The following SCUBE1 variants were observed in gnomAD, a reference collection of about 807,000 sequenced individuals.
SCUBE1 encodes the protein signal peptide, CUB domain and EGF like domain containing 1, also known as signal peptide, CUB and EGF-like domain-containing protein 1.
In SCUBE1, 59 loss-of-function variants were observed where a neutral mutation model predicts 124.4. The observed-to-expected ratio is 0.47, with a 90% confidence interval of 0.38 to 0.59. The LOEUF is 0.59. SCUBE1 is among the 20% of genes least tolerant of loss of function. The probability of loss-of-function intolerance (pLI) is 0.00; values close to 1 mark genes in which losing one functional copy is unlikely to be tolerated. For missense variants in SCUBE1, 1,150 were observed against 1,371.2 expected, an observed-to-expected ratio of 0.84 and a Z score of 2.55; for synonymous variants, 545 against 550.9, an observed-to-expected ratio of 0.99 and a Z score of 0.15.
chr22:43,291,579 C>CGCT (rs1207126721), intron 3 of SCUBE1, among the ~76,000 whole-genome samples: 2 of 151,140 alleles, frequency 1.3e-5, no homozygotes, highest in Non-Finnish European at 3.0e-5. Flanking sequence ...CATCGCGCTG[C>CGCT]ACTACAGTGG....
chr22:43,236,902 G>A (rs897047345), intron 7 of SCUBE1, among the ~76,000 whole-genome samples: 4 of 152,118 alleles, frequency 2.6e-5, no homozygotes, highest in African/African-American at 9.7e-5. Context: ...CATACAATAG[G>A]AGCCCAGAAA....
chr22:43,327,234 T>A (rs1388351882), intron 2 of SCUBE1, among the ~76,000 whole-genome samples: 1 of 152,146 alleles, frequency 6.6e-6, no homozygotes, highest in Non-Finnish European at 1.5e-5. Context: ...TCAGAGACAT[T>A]GCCTGTCCTG....
At chr22:43,309,384 G>A (rs1926092892) in intron 3 of SCUBE1, among the ~76,000 whole-genome samples, 1 of 152,180 alleles carries the variant, frequency 6.6e-6, no homozygotes, top group Admixed American at 6.5e-5. Context: ...CACATAGTAA[G>A]TGATGGATCC....
Position 43,210,085 on chromosome 22 carries a change from T to C in SCUBE1, c.2539A>G (p.Ile847Val), listed in dbSNP as rs1456382368. The change falls in exon 19 of 22, where the codon ATC becomes GTC. Residue 847 changes from isoleucine (I) to valine (V), a missense_variant. By Grantham distance (29) the Ile-to-Val change is conservative. Around this residue, in one of 3 missense-constraint regions of SCUBE1, gnomAD observed 757 missense variants for 840.9 expected, o/e 0.90. Transcript: ENST00000360835. This position sits in a 1 kb window ranked among gnomAD's most constrained non-coding sequence, Gnocchi z 4.5. ...LIVVPEIFLP[I>V]EDECGDVLVM... ...AGAACATCGCCGCACTCATCCTCGATGGGCAGGAAGATCTCAGGGACCACG... is the reference window on the plus strand; with the variant it reads ...AGAACATCGCCGCACTCATCCTCGACGGGCAGGAAGATCTCAGGGACCACG... The C allele has an allele frequency of 3.7e-6, 6 of 1,612,576 alleles. No individual in the cohort carries two copies. Among genetic ancestry groups the C allele is most frequent in the African/African-American group, 1.3e-5 (1 of 74,910 alleles).
At chr22:43,239,257 G>C (rs923451074) in intron 6 of SCUBE1, among the ~76,000 whole-genome samples, 7 of 152,258 alleles carry the variant, frequency 4.6e-5, no homozygotes, top group African/African-American at 1.7e-4. Flanking sequence ...GGTCAAAACT[G>C]CTATCTGGGG....
intron 3 of SCUBE1, among the ~76,000 whole-genome samples, chr22:43,308,052 C>T (rs1238305296): frequency 7.2e-6 from 1 of 138,236 alleles, no homozygotes; most frequent in Non-Finnish European, 1.6e-5. Context: ...GGCCACTCCA[C>T]CCCGAAACAC....
chr22:43,264,176 C>T (rs112727589), intron 4 of SCUBE1, among the ~76,000 whole-genome samples: 4 of 152,372 alleles, frequency 2.6e-5, no homozygotes, highest in African/African-American at 7.2e-5. Flanking sequence ...AGCCATAGCA[C>T]GTCCCTTTCT....
chr22:43,276,366 T>C (rs1340022468), intron 4 of SCUBE1, among the ~76,000 whole-genome samples: 1 of 152,108 alleles, frequency 6.6e-6, no homozygotes, highest in East Asian at 1.9e-4. Flanking sequence ...ACGTACATGC[T>C]GAAAGAGTCT....
chr22:43,204,423 C>A (rs57596119), intron 21 of SCUBE1, among the ~76,000 whole-genome samples: 1 of 151,834 alleles, frequency 6.6e-6, no homozygotes, highest in African/African-American at 2.4e-5. Flanking sequence ...CTCAGCCTCT[C>A]GAGTAGCTGG....
chr22:43,214,346 A>T (rs918498342), intron 15 of SCUBE1, 95 bp from the exon 16 acceptor site: 1 of 1,311,286 alleles, frequency 7.6e-7, no homozygotes. Context: ...TGATAGACAC[A>T]GTCCTTGTCC....
intron 6 of SCUBE1, among the ~76,000 whole-genome samples, chr22:43,241,476 C>A (rs1282914633): frequency 1.3e-5 from 2 of 151,974 alleles, no homozygotes; most frequent in East Asian, 3.9e-4. Context: ...CTGAGTCTAA[C>A]CCCCTTGGCT....
rs1921513950 is a variant in SCUBE1 at position 43,210,809 on chromosome 22, AG to A, written c.2383+112del. ...CCGAGAGCAGACGGGACGGAGCGGGAGGAGTCCAGTGTCCTCGTGGAGCTCG... is the reference window on the plus strand; with the variant it reads ...CCGAGAGCAGACGGGACGGAGCGGGAGAGTCCAGTGTCCTCGTGGAGCTCG... On this transcript the variant is annotated intron_variant, in intron 18 of 21. Coordinates refer to ENST00000360835, the MANE Select transcript of SCUBE1 (RefSeq NM_173050.5). This position sits in a 1 kb window ranked among gnomAD's most constrained non-coding sequence, Gnocchi z 4.5. The A allele has an allele frequency of 7.9e-7, 1 of 1,265,028 alleles. No individual in the cohort carries two copies. Among genetic ancestry groups the A allele is most frequent in the Non-Finnish European group, 1.1e-6 (1 of 887,478 alleles). The allele number at this position is 1,265,028 out of a possible 1,614,324, so 78.4% of individuals were successfully genotyped here. A position where few individuals can be genotyped will look rare whatever the true frequency, so the allele number is the denominator to read the frequency against.
At chr22:43,301,740 T>G (rs1258853614) in intron 3 of SCUBE1, among the ~76,000 whole-genome samples, 1 of 152,234 alleles carries the variant, frequency 6.6e-6, no homozygotes, top group Non-Finnish European at 1.5e-5. Flanking sequence ...ACAGGGACCC[T>G]GTCTGTTTTG....
chr22:43,250,746 G>A (rs1923411253), intron 6 of SCUBE1, among the ~76,000 whole-genome samples: 1 of 152,214 alleles, frequency 6.6e-6, no homozygotes. Flanking sequence ...GGCCGACTCA[G>A]ATTGGGGTCC....
intron 4 of SCUBE1, among the ~76,000 whole-genome samples, chr22:43,285,660 G>A (rs983128873): frequency 2.6e-5 from 4 of 152,164 alleles, no homozygotes; most frequent in African/African-American, 9.7e-5. Flanking sequence ...TGCGGGAGCT[G>A]TCAGTAGACA....
intron 3 of SCUBE1, among the ~76,000 whole-genome samples, chr22:43,300,038 T>C (rs35410219): frequency 0.024 from 3,595 of 152,312 alleles, 73 homozygotes; most frequent in Middle Eastern, 0.068. Flanking sequence ...CTGATGGACA[T>C]CCGGGTTGTG....
chr22:43,213,325 C>G (rs952369019), intron 16 of SCUBE1: 1 of 152,274 alleles, frequency 6.6e-6, no homozygotes, highest in Non-Finnish European at 1.5e-5. Context: ...AGAGAGCAGC[C>G]GGCAGCCTGG....
chr22:43,226,136 C>T (rs1922292723), intron 10 of SCUBE1, among the ~76,000 whole-genome samples: 1 of 152,130 alleles, frequency 6.6e-6, no homozygotes, highest in Admixed American at 6.5e-5. Flanking sequence ...GTTCCAGGTG[C>T]TGGGGCTCTA....
intron 3 of SCUBE1, among the ~76,000 whole-genome samples, chr22:43,305,648 G>A (rs1456481589): frequency 6.6e-6 from 1 of 152,158 alleles, no homozygotes; most frequent in Non-Finnish European, 1.5e-5. Flanking sequence ...GGCCAAGGAA[G>A]CCAGACCCCC....
Sources: allele counts gnomAD v4.1 joint callset (sites outside exome capture counted in the v4.1 genomes callset), GRCh38; gene constraint gnomAD v4.1.1; regional missense constraint gnomAD v4.1.1; non-coding constraint Gnocchi (gnomAD v3.1); transcripts MANE v1.5; gene names NCBI Gene and HGNC (gene_info 2026-07-23, HGNC 2026-07-21).